Variants in DUS4L observed in about 807,000 individuals in gnomAD.
DUS4L encodes the protein dihydrouridine synthase 4 like, also known as tRNA-dihydrouridine(20a/20b) synthase [NAD(P)+]-like.
DUS4L carries 31 observed loss-of-function variants against 33.8 expected under a neutral mutation model. The ratio of observed to expected loss-of-function variants is 0.92; its 90% CI spans 0.69 to 1.24. DUS4L has a LOEUF of 1.24. Ranked by LOEUF, DUS4L falls within the 50% of genes most tolerant of loss-of-function variation. The probability of loss-of-function intolerance (pLI) is 0.00; values close to 1 mark genes in which losing one functional copy is unlikely to be tolerated. For synonymous variants in DUS4L, 103 were observed against 120.3 expected (o/e 0.86, Z 0.94); for missense variants, 368 against 388.6 (o/e 0.95, Z 0.45).
Position 107,564,494 on chromosome 7 carries a change from C to A in DUS4L, c.-110-94C>A, listed in dbSNP as rs145603444. 960 of 156,366 alleles carry A rather than the reference C, an allele frequency of 6.1e-3. 5 individuals carry two copies. The highest frequency in any genetic ancestry group is 0.014 in the Admixed American group (220 of 15,892). The allele number at this position is 156,366 out of a possible 1,614,324, so 9.7% of individuals were successfully genotyped here. The stretch of plus-strand genomic sequence containing the variant: ...AGGGAGAGTCGATGAAGAAGGAAGT[C>A]TGAACCATAAAAGGACCAATAAAAC... On this transcript the variant is annotated intron_variant, in intron 1 of 7. Coordinates refer to ENST00000265720, the MANE Select transcript of DUS4L (RefSeq NM_181581.3).
chr7:107,573,607 T>TA (rs1805460247), intron 4 of DUS4L, 97 bp from the exon 5 acceptor site: 1 of 1,190,128 alleles, frequency 8.4e-7, no homozygotes, highest in South Asian at 2.7e-5. Context: ...AAAAAATCGT[T>TA]ATTGCTATTT....
At chr7:107,573,865 A>G (rs1317833440) in intron 5 of DUS4L, 44 bp downstream of exon 5, 2 of 1,451,088 alleles carry the variant, frequency 1.4e-6, no homozygotes, top group Non-Finnish European at 1.8e-6. Flanking sequence ...AAGAGTAGAA[A>G]AAAAACTGTG....
chr7:107,575,396 GTATC>G, intron 6 of DUS4L, 86 bp downstream of exon 6: 3 of 1,453,166 alleles, frequency 2.1e-6, no homozygotes, highest in Non-Finnish European at 2.8e-6. Context: ...GCTGTTGGGA[GTATC>G]TATCCTAAAT....
At chr7:107,567,714 CATT>C (rs1179604807) in intron 3 of DUS4L, 1 of 441,914 alleles carries the variant, frequency 2.3e-6, no homozygotes, top group Admixed American at 2.5e-5. Flanking sequence ...ATTACATTCA[CATT>C]GTTGTGCATC....
At chr7:107,564,236 C>T in intron 1 of DUS4L, 27 bp downstream of exon 1, 1 of 579,474 alleles carries the variant, frequency 1.7e-6, no homozygotes, top group Non-Finnish European at 3.1e-6. Context: ...GGCCGCAGCG[C>T]TTATCTGTGA....
In DUS4L at chr7:107,564,124, C is replaced by T; in HGVS notation, c.-196C>T. 1.0e-6 allele frequency: 1 copy of T among 985,528 alleles called. No homozygotes were observed. 61.0% of individuals were successfully genotyped at this position (985,528 alleles called of 1,614,324 possible). A position where few individuals can be genotyped will look rare whatever the true frequency, so the allele number is the denominator to read the frequency against. ...GCCCAGCGCACCGAGGGAGCCAAGG[C>T]CGTCGGGCCGGCGCTTTCAGCTGTC... On this transcript the variant is annotated 5_prime_UTR_variant, in exon 1 of 8. Transcript: ENST00000265720.
Position 107,564,004 on chromosome 7 carries a change from C to G in DUS4L, c.-316C>G. ...ACCCAGCCCATGGCTCCAGGCCCAC[C>G]TGGCGAACTGACTCTCAGCCCGCGC... On this transcript the variant is annotated 5_prime_UTR_variant, in exon 1 of 8. Coordinates refer to ENST00000265720, the MANE Select transcript of DUS4L (RefSeq NM_181581.3). The G allele has an allele frequency of 1.3e-6, 2 of 1,554,090 alleles. No individual in the cohort carries two copies. The highest frequency in any genetic ancestry group is 1.7e-6 in the Non-Finnish European group (2 of 1,152,358).
At chr7:107,576,744 T>G (rs1805792217) in intron 7 of DUS4L, 152 bp downstream of exon 7, 1 of 691,292 alleles carries the variant, frequency 1.4e-6, no homozygotes, top group South Asian at 2.8e-5. Context: ...TAAAATGATG[T>G]TAAGTTTTCT....
chr7:107,570,951 CTTTCAAAAT>C lies in DUS4L; in HGVS notation c.117-189_117-181del, dbSNP rs929471277. 13 of 639,868 alleles carry C rather than the reference CTTTCAAAAT, an allele frequency of 2.0e-5. No individual in the cohort carries two copies. In the African/African-American group the frequency reaches 2.5e-4, roughly 12 times the overall value. 39.6% of individuals were successfully genotyped at this position (639,868 alleles called of 1,614,324 possible). A position where few individuals can be genotyped will look rare whatever the true frequency, so the allele number is the denominator to read the frequency against. On this transcript the variant is annotated intron_variant, in intron 3 of 7. Transcript: ENST00000265720. ...GCCTATCTGGACATCTTTTCTTCAC[CTTTCAAAAT>C]TTTCTTGTGTTTGTTTTATATATAA... is the stretch of plus-strand genomic sequence containing the variant.
At chr7:107,577,047 A>T in intron 7 of DUS4L, 1 of 406,228 alleles carries the variant, frequency 2.5e-6, no homozygotes, top group Non-Finnish European at 4.3e-6. Flanking sequence ...ATCCAGATTT[A>T]CCCTAAAGAA....
rs746079084 is a variant in DUS4L at position 107,575,309 on chromosome 7, AG to A, written c.479+1del. 7.5e-6 allele frequency: 12 copies of A among 1,609,292 alleles called. No homozygotes were observed. The highest frequency in any genetic ancestry group is 1.0e-5 in the Non-Finnish European group (12 of 1,178,404). On this transcript the variant is annotated frameshift_variant and splice_region_variant, in exon 6 of 8. Transcript: ENST00000265720. LOFTEE classifies it high-confidence loss of function. Reference protein sequence around the residue: ...TPGFSVSIKIRIHDDLKRTVD... With the variant: ...TPGFSVSIKIXIHDDLKRTVD... ...TGGATTTTCAGTTTCTATTAAAATA[AG>A]GTAAAGACAATATTTCAATCTATTG...
intron 4 of DUS4L, among the ~76,000 whole-genome samples, chr7:107,571,855 C>T (rs920941009): frequency 1.3e-5 from 2 of 152,160 alleles, no homozygotes; most frequent in Non-Finnish European, 1.5e-5. Context: ...GCCTTATCTT[C>T]CTTCAGTTTC....
intron 3 of DUS4L, 127 bp downstream of exon 3, chr7:107,567,313 A>C: frequency 1.4e-6 from 1 of 726,912 alleles, no homozygotes; most frequent in East Asian, 2.7e-5. Flanking sequence ...ATCATGACTT[A>C]GAATTGAGTC....
At position 107,565,714 on chromosome 7, in the gene DUS4L, G is replaced by A. The variant is rs1053393998; in HGVS notation, c.-22+1038G>A. ...GATTTTTATAATTTTTTTAGAGATG[G>A]GGGTCTCACTATATTGCCCAAGCTG... On this transcript the variant is annotated intron_variant, in intron 2 of 7. Transcript: ENST00000265720. 6.6e-5 allele frequency among the ~76,000 whole-genome samples: 10 copies of A among 152,076 alleles called. No homozygotes were observed. The South Asian group carries it at 1.2e-3, about 19-fold the overall frequency.
In DUS4L at chr7:107,577,350, C is replaced by T. The variant is rs751698681; in HGVS notation, c.744C>T (p.Ala248=). ...CAAGAGGACTCTTAGCAAACCCGGC[C>T]ATGTTTGCTGGATATGAGGAAACCC... is the stretch of plus-strand genomic sequence containing the variant. ...MVARGLLANP[A]MFAGYEETPL... is the part of the protein sequence containing the mutation. Residue 248 remains alanine (A), a synonymous_variant, in exon 8 of 8, where the codon GCC becomes GCT. Transcript: ENST00000265720. 2 of 1,614,078 alleles carry T rather than the reference C, an allele frequency of 1.2e-6. No homozygotes were observed. The highest frequency in any genetic ancestry group is 2.2e-5 in the South Asian group (2 of 91,070).
chr7:107,571,212 G>A lies in DUS4L; in HGVS notation c.184G>A (p.Ala62Thr), dbSNP rs141539487. The change falls in exon 4 of 8, where the codon GCT becomes ACT. Residue 62 changes from alanine to threonine, a missense_variant. Coordinates refer to ENST00000265720, the MANE Select transcript of DUS4L (RefSeq NM_181581.3). ...DLCYTPMIVA[A>T]DFVKSIKARD... is the part of the protein sequence containing the mutation. ...GTGTTACACACCAATGATTGTTGCC[G>A]CTGATTTTGTCAAATCTATAAAAGC... 35 of 1,611,370 alleles carry A rather than the reference G, an allele frequency of 2.2e-5. No homozygotes were observed. In the African/African-American group the frequency reaches 3.3e-4, roughly 15 times the overall value.
Position 107,577,580 on chromosome 7 carries a change from T to C in DUS4L, c.*20T>C, listed in dbSNP as rs1391935198. 3.7e-6 allele frequency: 6 copies of C among 1,605,498 alleles called. No individual in the cohort carries two copies. In the Admixed American group the frequency reaches 1.0e-4, roughly 27 times the overall value. ...ATTTGACTAGACTTCCCAAATAATT[T>C]TAATATATACTTTTAGACCCACAGT... On this transcript the variant is annotated 3_prime_UTR_variant, in exon 8 of 8. Transcript: ENST00000265720.
At chr7:107,568,391 T>C (rs1436210818) in intron 3 of DUS4L, among the ~76,000 whole-genome samples, 2 of 152,198 alleles carry the variant, frequency 1.3e-5, no homozygotes, top group African/African-American at 4.8e-5. Context: ...ATCATCCTAA[T>C]GGGTGTGAAG....
At chr7:107,567,939 T>A (rs1022752765) in intron 3 of DUS4L, 8 of 228,966 alleles carry the variant, frequency 3.5e-5, no homozygotes, top group African/African-American at 1.4e-4. Flanking sequence ...CAGCATAACA[T>A]CCTCAAGGTT....
Sources: gnomAD v4.1 joint callset for allele counts (sites outside exome capture counted in the v4.1 genomes callset) on GRCh38, gnomAD v4.1.1 for gene constraint, MANE v1.5 for transcripts, NCBI Gene and HGNC (gene_info 2026-07-23, HGNC 2026-07-21) for gene names.